TMEM117: variants seen among roughly 807,000 people sequenced by gnomAD.
The protein encoded by TMEM117 is transmembrane protein 117.
In TMEM117, 27 loss-of-function variants were observed where a neutral mutation model predicts 52.4. That is an observed-to-expected ratio of 0.51 (90% CI 0.38 to 0.71). The LOEUF is 0.71. Ranked by LOEUF, TMEM117 falls within the 30% of genes least tolerant of loss-of-function variation. TMEM117 has a pLI of 0.00. For missense variants in TMEM117, 556 were observed against 630.5 expected (o/e 0.88, Z 1.26); for synonymous variants, 215 against 206.3 (o/e 1.04, Z -0.36).
At chr12:44,096,489 CA>C (rs1947765926) in intron 3 of TMEM117, among the ~76,000 whole-genome samples, 1 of 152,094 alleles carries the variant, frequency 6.6e-6, no homozygotes, top group Admixed American at 6.6e-5. Context: ...GTAACCAAAA[CA>C]GCATGGTACT....
At chr12:44,236,555 G>A (rs992237418) in intron 5 of TMEM117, among the ~76,000 whole-genome samples, 26 of 152,094 alleles carry the variant, frequency 1.7e-4, no homozygotes, top group African/African-American at 4.1e-4. Flanking sequence ...TATAATAAGC[G>A]TGGTTGTTTA....
rs187386040 is a variant in TMEM117, at chr12:44,244,386, T to C, written c.608+32999T>C. 3.9e-5 allele frequency: 6 copies of C among 152,058 alleles called. No individual in the cohort carries two copies. In the South Asian group the frequency reaches 6.2e-4, roughly 16 times the overall value. The allele number at this position is 152,058 out of a possible 1,614,324, so 9.4% of individuals were successfully genotyped here. ...CCTGATGGTTAGTGATTTTGAGCATTTTTTTTGTCTATCTGTTGGCCATTT... is the reference window on the plus strand; with the variant it reads ...CCTGATGGTTAGTGATTTTGAGCATCTTTTTTGTCTATCTGTTGGCCATTT... On this transcript the variant is annotated intron_variant, in intron 5 of 7. Coordinates refer to ENST00000266534, the MANE Select transcript of TMEM117 (RefSeq NM_032256.3).
intron 3 of TMEM117, among the ~76,000 whole-genome samples, chr12:44,119,287 T>C (rs1948194910): frequency 6.6e-6 from 1 of 152,160 alleles, no homozygotes; most frequent in Non-Finnish European, 1.5e-5. Context: ...TCATCATTTT[T>C]TCATGAGCTT....
chr12:43,810,826 A>T, the TMEM117 span, among the ~76,000 whole-genome samples: 4 of 152,212 alleles, frequency 2.6e-5, no homozygotes, highest in African/African-American at 9.6e-5. Context: ...ATACTTTATC[A>T]TAAAGCTTCA....
At chr12:43,825,965 C>T in the TMEM117 span, among the ~76,000 whole-genome samples, 1 of 152,212 alleles carries the variant, frequency 6.6e-6, no homozygotes, top group African/African-American at 2.4e-5. Context: ...GAAATCTCCA[C>T]CATCTCTACC....
At chr12:44,213,401 T>C (rs12304783) in intron 5 of TMEM117, among the ~76,000 whole-genome samples, 2,988 of 152,300 alleles carry the variant, frequency 0.02, 59 homozygotes, top group South Asian at 0.053. Flanking sequence ...CCCTCTTCCC[T>C]ACAAAATTCC....
At chr12:43,886,799 G>C (rs1205646711) in intron 2 of TMEM117, among the ~76,000 whole-genome samples, 1 of 152,072 alleles carries the variant, frequency 6.6e-6, no homozygotes, top group Admixed American at 6.6e-5. Context: ...TCCATCCCCA[G>C]AAAGGCCCCA....
chr12:43,954,185 C>A (rs1308499314), intron 3 of TMEM117, among the ~76,000 whole-genome samples: 1 of 151,934 alleles, frequency 6.6e-6, no homozygotes, highest in African/African-American at 2.4e-5. Flanking sequence ...CACTAAATGC[C>A]CACATGAAAA....
intron 6 of TMEM117, among the ~76,000 whole-genome samples, chr12:44,316,311 A>T (rs1951053951): frequency 6.6e-6 from 1 of 152,128 alleles, no homozygotes; most frequent in African/African-American, 2.4e-5. Context: ...GGTGTCTGGA[A>T]AACATTGTAT....
At chr12:44,337,136 A>G (rs76472613) in intron 6 of TMEM117, among the ~76,000 whole-genome samples, 22,044 of 151,936 alleles carry the variant, frequency 0.15, 1,986 homozygotes, top group East Asian at 0.19. Flanking sequence ...ATTAATAAGA[A>G]CAAAAATATT....
intron 6 of TMEM117, among the ~76,000 whole-genome samples, chr12:44,301,841 G>A (rs1344279980): frequency 1.3e-5 from 2 of 152,144 alleles, no homozygotes; most frequent in African/African-American, 4.8e-5. Context: ...AGATTTCCTA[G>A]GAAGGAATTG....
intron 2 of TMEM117, among the ~76,000 whole-genome samples, chr12:43,899,150 A>T (rs1592345006): frequency 6.6e-6 from 1 of 152,328 alleles, no homozygotes; most frequent in South Asian, 2.1e-4. Flanking sequence ...CTGTAGATTC[A>T]TATTGCTTGA....
intron 4 of TMEM117, among the ~76,000 whole-genome samples, chr12:44,170,184 T>C (rs556700598): frequency 2.4e-4 from 36 of 151,528 alleles, no homozygotes; most frequent in Admixed American, 1.1e-3. Context: ...CTCAGCAAAC[T>C]ATTGCAAGGA....
chr12:43,805,189 C>T, the TMEM117 span, among the ~76,000 whole-genome samples: 1 of 152,070 alleles, frequency 6.6e-6, no homozygotes, highest in African/African-American at 2.4e-5. Context: ...AATTTCGTTC[C>T]TGTGTTGTCT....
intron 2 of TMEM117, among the ~76,000 whole-genome samples, chr12:43,851,077 A>G (rs895020042): frequency 2.6e-5 from 4 of 152,314 alleles, no homozygotes; most frequent in East Asian, 1.9e-4. Flanking sequence ...GAATGCCACT[A>G]TCCCTTTCAT....
At chr12:44,272,084 G>A (rs1471430460) in intron 5 of TMEM117, among the ~76,000 whole-genome samples, 1 of 151,716 alleles carries the variant, frequency 6.6e-6, no homozygotes, top group Non-Finnish European at 1.5e-5. Context: ...TGAAAGATAA[G>A]TATTGGTAAG....
chr12:44,216,005 CTTT>C (rs778425747), intron 5 of TMEM117, among the ~76,000 whole-genome samples: 144 of 110,816 alleles, frequency 1.3e-3, no homozygotes, highest in African/African-American at 4.7e-3. Flanking sequence ...TTCTTTCTTT[CTTT>C]TTTTTTTTTT....
At chr12:44,397,619 T>C in the TMEM117 span, among the ~76,000 whole-genome samples, 2 of 152,240 alleles carry the variant, frequency 1.3e-5, no homozygotes, top group Admixed American at 6.5e-5. Flanking sequence ...CTTATTTACA[T>C]GTTGAAAACA....
intron 3 of TMEM117, among the ~76,000 whole-genome samples, chr12:44,037,604 A>G (rs1183285691): frequency 6.6e-6 from 1 of 152,182 alleles, no homozygotes; most frequent in African/African-American, 2.4e-5. Context: ...CTGACGGACA[A>G]GAATGGGAAC....
Sources: allele counts gnomAD v4.1 joint callset (sites outside exome capture counted in the v4.1 genomes callset), GRCh38; gene constraint gnomAD v4.1.1; transcripts MANE v1.5; gene names NCBI Gene and HGNC (gene_info 2026-07-23, HGNC 2026-07-21).